SRRM4: variants seen among roughly 807,000 people sequenced by gnomAD.
SRRM4 encodes the protein serine/arginine repetitive matrix 4, also known as serine/arginine repetitive matrix protein 4.
SRRM4 carries 33 observed loss-of-function variants against 68.9 expected under a neutral mutation model. The observed-to-expected ratio is 0.48, with a 90% CI of 0.36 to 0.64. SRRM4 has a LOEUF of 0.64. Ranked by LOEUF, SRRM4 falls within the 30% of genes least tolerant of loss-of-function variation. The probability of loss-of-function intolerance (pLI) is 0.00; values close to 1 mark genes in which losing one functional copy is unlikely to be tolerated. For missense variants in SRRM4, 817 were observed against 827.1 expected (o/e 0.99, Z 0.15); for synonymous variants, 318 against 318.8 (o/e 1.00, Z 0.03).
At chr12:119,123,788 T>C (rs1158037711) in intron 6 of SRRM4, among the ~76,000 whole-genome samples, 1 of 152,200 alleles carries the variant, frequency 6.6e-6, no homozygotes, top group Non-Finnish European at 1.5e-5. Flanking sequence ...CATCCCTTAA[T>C]GAGGCCCTAC....
intron 1 of SRRM4, among the ~76,000 whole-genome samples, chr12:119,022,204 TA>T: frequency 6.6e-6 from 1 of 151,820 alleles, no homozygotes; most frequent in Non-Finnish European, 1.5e-5. Context: ...AAATAAAATT[TA>T]AAAAAAAGAA....
At chr12:119,094,523 C>T (rs1954031541) in intron 1 of SRRM4, among the ~76,000 whole-genome samples, 1 of 152,228 alleles carries the variant, frequency 6.6e-6, no homozygotes, top group Non-Finnish European at 1.5e-5. Flanking sequence ...CCACCCTCCA[C>T]CTTCACTGTC....
chr12:119,151,330 G>T, intron 10 of SRRM4, 110 bp downstream of exon 10: 1 of 1,027,122 alleles, frequency 9.7e-7, no homozygotes. Context: ...ACTTAGGTTT[G>T]AATACTCGTT....
At chr12:119,077,743 A>G (rs1429117532) in intron 1 of SRRM4, among the ~76,000 whole-genome samples, 1 of 152,224 alleles carries the variant, frequency 6.6e-6, no homozygotes, top group Non-Finnish European at 1.5e-5. Flanking sequence ...TTAGTACCCT[A>G]TCTGGCACAC....
intron 1 of SRRM4, among the ~76,000 whole-genome samples, chr12:119,028,728 T>C (rs1293995360): frequency 1.8e-4 from 27 of 152,204 alleles, no homozygotes; most frequent in Non-Finnish European, 1.5e-5. Flanking sequence ...TATTGTACCA[T>C]GCTGTCCCCA....
rs761177245 is a variant in SRRM4 at position 118,981,864 on chromosome 12, C to A, written c.-19C>A. ...ACTTTGGACAGCGCCCCGGACGCCC[C>A]GGCCCCTTTGGGTTGGCGATGGCGA... is the stretch of plus-strand genomic sequence containing the variant. On this transcript the variant is annotated 5_prime_UTR_variant, in exon 1 of 13. Transcript: ENST00000267260. The A allele has an allele frequency of 1.2e-6, 2 of 1,611,438 alleles. No individual in the cohort carries two copies. The highest frequency in any genetic ancestry group is 8.5e-7 in the Non-Finnish European group (1 of 1,178,616).
chr12:119,145,189 A>G (rs924859902), intron 8 of SRRM4, among the ~76,000 whole-genome samples, 192 bp from the exon 9 acceptor site: 11 of 150,792 alleles, frequency 7.3e-5, no homozygotes, highest in Non-Finnish European at 1.5e-4. Flanking sequence ...GCAGGGGGTA[A>G]AAAAAAAATC....
chr12:119,087,950 G>T (rs566843350), intron 1 of SRRM4, among the ~76,000 whole-genome samples: 3 of 152,262 alleles, frequency 2.0e-5, no homozygotes, highest in African/African-American at 7.2e-5. Context: ...CCCACCTCAA[G>T]AGTTTACTAT....
intron 7 of SRRM4, among the ~76,000 whole-genome samples, chr12:119,126,127 G>A (rs1456538475): frequency 2.2e-5 from 3 of 139,170 alleles, no homozygotes; most frequent in South Asian, 2.6e-4. Context: ...GGGTTCAAGC[G>A]ATTCTCCTGC....
intron 1 of SRRM4, among the ~76,000 whole-genome samples, chr12:119,098,128 T>G (rs1012458771): frequency 6.6e-5 from 10 of 152,212 alleles, no homozygotes; most frequent in Admixed American, 1.3e-4. Context: ...GTGAGGATAC[T>G]CAAGCAGCCA....
At chr12:119,122,489 A>G (rs60607482) in intron 6 of SRRM4, among the ~76,000 whole-genome samples, 12,273 of 151,980 alleles carry the variant, frequency 0.081, 862 homozygotes, top group African/African-American at 0.2. Flanking sequence ...TGTGTCCCTT[A>G]TGAGTATACC....
intron 1 of SRRM4, among the ~76,000 whole-genome samples, chr12:119,041,599 C>T (rs1314817551): frequency 1.3e-5 from 2 of 152,212 alleles, no homozygotes; most frequent in East Asian, 1.9e-4. Context: ...AAAGCAGAGT[C>T]AGGTGATAAG....
intron 1 of SRRM4, among the ~76,000 whole-genome samples, chr12:119,048,783 G>T (rs188134703): frequency 6.6e-6 from 1 of 152,144 alleles, no homozygotes; most frequent in Non-Finnish European, 1.5e-5. Flanking sequence ...AAATTAGTCT[G>T]GCATGGTAGC....
chr12:119,089,880 C>T (rs1394954246), intron 1 of SRRM4, among the ~76,000 whole-genome samples: 1 of 152,130 alleles, frequency 6.6e-6, no homozygotes, highest in Admixed American at 6.5e-5. Context: ...GGGAAATATG[C>T]ATTTTATAAC....
At chr12:119,037,181 A>C (rs560765232) in intron 1 of SRRM4, among the ~76,000 whole-genome samples, 4 of 152,142 alleles carry the variant, frequency 2.6e-5, no homozygotes, top group Non-Finnish European at 5.9e-5. Context: ...TTTTGCTCAA[A>C]TGGTGATGGG....
intron 2 of SRRM4, among the ~76,000 whole-genome samples, chr12:119,111,874 T>C (rs889194035): frequency 3.9e-5 from 6 of 152,184 alleles, no homozygotes; most frequent in South Asian, 2.1e-4. Flanking sequence ...TGAAACCCTG[T>C]CTCTACTTTA....
chr12:119,090,083 C>A (rs760442711), intron 1 of SRRM4, among the ~76,000 whole-genome samples: 6 of 152,026 alleles, frequency 3.9e-5, no homozygotes, highest in Non-Finnish European at 8.8e-5. Flanking sequence ...GGGCAGGGAC[C>A]AAATAACTAG....
chr12:119,059,378 T>C (rs1034829987), intron 1 of SRRM4, among the ~76,000 whole-genome samples: 3 of 152,252 alleles, frequency 2.0e-5, no homozygotes, highest in Admixed American at 2.0e-4. Context: ...TCTCGCTATG[T>C]AGTGGGGTTA....
At chr12:119,026,232 T>C (rs565512828) in intron 1 of SRRM4, among the ~76,000 whole-genome samples, 3 of 152,006 alleles carry the variant, frequency 2.0e-5, no homozygotes, top group South Asian at 2.1e-4. Context: ...GGTTCAATAA[T>C]GAAATTAAAA....
Sources: gnomAD v4.1 joint callset for allele counts (sites outside exome capture counted in the v4.1 genomes callset) on GRCh38, gnomAD v4.1.1 for gene constraint, MANE v1.5 for transcripts, NCBI Gene and HGNC (gene_info 2026-07-23, HGNC 2026-07-21) for gene names.